The following FBLN7 variants were observed in gnomAD, a reference collection of about 807,000 sequenced individuals.
FBLN7 encodes the protein fibulin 7, also known as fibulin-7.
FBLN7 carries 31 observed loss-of-function variants against 44.0 expected under a neutral mutation model. The observed-to-expected ratio is 0.70, with a 90% CI of 0.53 to 0.95. The LOEUF is 0.95. FBLN7 is among the 40% of genes least tolerant of loss of function. FBLN7 has a pLI of 0.00. For missense variants in FBLN7, 573 were observed against 618.5 expected (o/e 0.93, Z 0.78); for synonymous variants, 262 against 253.4 (o/e 1.03, Z -0.32).
the FBLN7 span, among the ~76,000 whole-genome samples, chr2:112,234,922 T>C: frequency 6.6e-6 from 1 of 152,090 alleles, no homozygotes; most frequent in East Asian, 1.9e-4. Flanking sequence ...CCAAAAGCAG[T>C]GGAATCTATA....
At chr2:112,139,829 C>T in intron 1 of FBLN7, among the ~76,000 whole-genome samples, 1 of 72,712 alleles carries the variant, frequency 1.4e-5, no homozygotes, top group Non-Finnish European at 2.8e-5. Context: ...CTCTCCAGGC[C>T]AGTGTCCCTC....
At chr2:112,147,700 T>A (rs1206027009) in intron 1 of FBLN7, among the ~76,000 whole-genome samples, 2 of 152,204 alleles carry the variant, frequency 1.3e-5, no homozygotes, top group African/African-American at 4.8e-5. Context: ...GAGTCTACAT[T>A]TTCGAGATCA....
intron 1 of FBLN7, 109 bp downstream of exon 1, chr2:112,138,839 TGTCCCTCCCGCCTCTCTC>T: frequency 3.7e-6 from 1 of 268,490 alleles, no homozygotes. Flanking sequence ...CTCTCTCCCC[TGTCCCTCCCGCCTCTCTC>T]CCCTGTCCCT....
At chr2:112,208,170 C>T in the FBLN7 span, among the ~76,000 whole-genome samples, 1 of 151,894 alleles carries the variant, frequency 6.6e-6, no homozygotes, top group Non-Finnish European at 1.5e-5. Flanking sequence ...GAGGCTGAGG[C>T]AGGAGGATCC....
At chr2:112,235,285 T>C in the FBLN7 span, among the ~76,000 whole-genome samples, 1 of 152,256 alleles carries the variant, frequency 6.6e-6, no homozygotes, top group Admixed American at 6.5e-5. Flanking sequence ...CCAGTTTAAA[T>C]CTTGTTTTAT....
Position 112,182,863 on chromosome 2 carries a change from CG to C in FBLN7, c.746del (p.Gly249AlafsTer60), listed in dbSNP as rs1683074131. On this transcript the variant is annotated frameshift_variant, in exon 6 of 8. Coordinates refer to ENST00000331203, the MANE Select transcript of FBLN7 (RefSeq NM_153214.3). LOFTEE classifies it high-confidence loss of function. ...RLCMHACVNT[P>X]GSYRCTCPGG... Reference sequence around the variant, plus strand: ...TGCATGCACGCCTGCGTGAACACCCCGGGCTCTTACCGTTGCACCTGCCCCG... The same window carrying C: ...TGCATGCACGCCTGCGTGAACACCCCGGCTCTTACCGTTGCACCTGCCCCG... 1 of 1,612,952 alleles carries C rather than the reference CG, an allele frequency of 6.2e-7. No homozygotes were observed. The highest frequency in any genetic ancestry group is 1.1e-5 in the South Asian group (1 of 90,842).
At chr2:112,227,652 CAG>C in the FBLN7 span, among the ~76,000 whole-genome samples, 28 of 152,296 alleles carry the variant, frequency 1.8e-4, no homozygotes, top group Admixed American at 7.8e-4. Flanking sequence ...AGATCAATAA[CAG>C]AAATAAATTC....
chr2:112,160,225 C>T (rs567734204), intron 2 of FBLN7, among the ~76,000 whole-genome samples: 5 of 152,230 alleles, frequency 3.3e-5, no homozygotes, highest in East Asian at 1.9e-4. Flanking sequence ...CTCCTGACCT[C>T]GTGATCCGCC....
At chr2:112,209,915 A>G in the FBLN7 span, among the ~76,000 whole-genome samples, 1 of 152,014 alleles carries the variant, frequency 6.6e-6, no homozygotes, top group Admixed American at 6.6e-5. Flanking sequence ...AGGGTGAAGT[A>G]GGATTAAAGG....
At chr2:112,175,865 G>A (rs1319322165) in intron 4 of FBLN7, 26 bp downstream of exon 4, 1 of 1,610,688 alleles carries the variant, frequency 6.2e-7, no homozygotes, top group East Asian at 2.2e-5. Flanking sequence ...GGGGTTAGGT[G>A]AGGACATCCT....
the FBLN7 span, among the ~76,000 whole-genome samples, chr2:112,240,938 A>G: frequency 2.7e-5 from 4 of 150,404 alleles, no homozygotes; most frequent in South Asian, 8.4e-4. Flanking sequence ...CTCCAAAATT[A>G]AAGTACAGGT....
chr2:112,176,856 C>A (rs6735657), intron 4 of FBLN7: 56,566 of 151,816 alleles, frequency 0.37, 11,014 homozygotes, highest in South Asian at 0.53. Flanking sequence ...GAAATGGGTT[C>A]CCTTCTGCCC....
chr2:112,204,944 A>G, the FBLN7 span, among the ~76,000 whole-genome samples: 7 of 152,150 alleles, frequency 4.6e-5, no homozygotes, highest in Admixed American at 2.0e-4. Flanking sequence ...GTTAAATTTT[A>G]CCTTATTTAA....
At chr2:112,160,100 C>A (rs571804587) in intron 2 of FBLN7, among the ~76,000 whole-genome samples, 1 of 152,168 alleles carries the variant, frequency 6.6e-6, no homozygotes, top group African/African-American at 2.4e-5. Flanking sequence ...ACGCCATTCT[C>A]CTGCCTCAGC....
chr2:112,216,448 T>G, the FBLN7 span: 1 of 152,280 alleles, frequency 6.6e-6, no homozygotes, highest in African/African-American at 2.4e-5. Flanking sequence ...GTTAAAGTAC[T>G]CTTTATCTGT....
At chr2:112,192,288 C>T (rs1683515886), downstream of FBLN7, among the ~76,000 whole-genome samples, 1 of 152,178 alleles carries the variant, frequency 6.6e-6, no homozygotes, top group South Asian at 2.1e-4. Flanking sequence ...CCACCCCCAA[C>T]AGCAATGTAT....
chr2:112,160,800 GC>G, intron 2 of FBLN7, among the ~76,000 whole-genome samples: 1 of 117,392 alleles, frequency 8.5e-6, no homozygotes, highest in African/African-American at 3.2e-5. Context: ...ACGCACACAC[GC>G]ACGCACACAC....
the FBLN7 span, among the ~76,000 whole-genome samples, chr2:112,240,762 ACTTTT>A: frequency 2.6e-5 from 4 of 152,192 alleles, no homozygotes; most frequent in Admixed American, 1.3e-4. Context: ...ATAATTGAAT[ACTTTT>A]CTTCACTTAG....
intron 1 of FBLN7, among the ~76,000 whole-genome samples, chr2:112,159,105 T>C (rs1338166110): frequency 6.6e-6 from 1 of 152,086 alleles, no homozygotes; most frequent in Admixed American, 6.5e-5. Flanking sequence ...AGCATGATCC[T>C]CCATTTTCTG....
Sources: allele counts gnomAD v4.1 joint callset (sites outside exome capture counted in the v4.1 genomes callset), GRCh38; gene constraint gnomAD v4.1.1; transcripts MANE v1.5; gene names NCBI Gene and HGNC (gene_info 2026-07-23, HGNC 2026-07-21).